The following TTPA variants were observed in gnomAD, a reference collection of about 807,000 sequenced individuals.
TTPA encodes the protein alpha-tocopherol transfer protein.
TTPA carries 23 observed loss-of-function variants against 25.9 expected under a neutral mutation model. That is an observed-to-expected ratio of 0.89 (90% CI 0.64 to 1.26). The LOEUF (loss-of-function observed/expected upper bound fraction) is 1.26, where lower values mean the gene tolerates loss of function less well. Ranked by LOEUF, TTPA falls within the 50% of genes most tolerant of loss-of-function variation. TTPA has a pLI of 0.00. For synonymous variants in TTPA, 148 were observed against 137.3 expected (o/e 1.08, Z -0.54); for missense variants, 337 against 353.1 (o/e 0.95, Z 0.37).
At chr8:63,080,661 C>T (rs1333781630) in intron 1 of TTPA, among the ~76,000 whole-genome samples, 1 of 148,920 alleles carries the variant, frequency 6.7e-6, no homozygotes, top group Non-Finnish European at 1.5e-5. Flanking sequence ...GCAGAGCTTG[C>T]AGTGAGCCGA....
At chr8:63,079,127 C>T (rs746692225) in intron 1 of TTPA, among the ~76,000 whole-genome samples, 4 of 151,540 alleles carry the variant, frequency 2.6e-5, no homozygotes, top group Non-Finnish European at 4.4e-5. Flanking sequence ...TCTTTACAGA[C>T]AAGCTGAGAG....
chr8:63,063,259 A>G (rs540311749), intron 4 of TTPA, among the ~76,000 whole-genome samples: 1 of 152,322 alleles, frequency 6.6e-6, no homozygotes, highest in South Asian at 2.1e-4. Flanking sequence ...TTCTTTACAG[A>G]TTAGTTTAGA....
At chr8:63,083,109 C>T (rs1805689895) in intron 1 of TTPA, among the ~76,000 whole-genome samples, 1 of 152,128 alleles carries the variant, frequency 6.6e-6, no homozygotes, top group Admixed American at 6.6e-5. Flanking sequence ...ACTAGAAATA[C>T]CATTTGACCC....
chr8:63,065,433 C>T lies in TTPA; in HGVS notation c.552+471G>A, dbSNP rs79449553. Among the ~76,000 whole-genome samples the T allele has an allele frequency of 6.3e-3, 962 of 152,248 alleles. 13 individuals are homozygous for T. Among genetic ancestry groups the T allele is most frequent in the Admixed American group, 0.028 (422 of 15,300 alleles). ...CACATAGTAAGCTATTATTATTATA[C>T]GCAATCTTTAATATATTAAAGATTA... On this transcript the variant is annotated intron_variant, in intron 3 of 4. Transcript: ENST00000260116.
chr8:63,067,315 A>G (rs1805408776), intron 2 of TTPA, among the ~76,000 whole-genome samples: 1 of 152,132 alleles, frequency 6.6e-6, no homozygotes, highest in Non-Finnish European at 1.5e-5. Flanking sequence ...GTTGACATGT[A>G]TGAATAGAAA....
intron 1 of TTPA, among the ~76,000 whole-genome samples, chr8:63,080,656 G>A (rs1486317431): frequency 4.0e-5 from 6 of 151,028 alleles, no homozygotes; most frequent in Non-Finnish European, 8.8e-5. Context: ...AGGAGGCAGA[G>A]CTTGCAGTGA....
intron 1 of TTPA, among the ~76,000 whole-genome samples, chr8:63,084,532 G>A (rs1464551453): frequency 2.6e-5 from 4 of 152,230 alleles, no homozygotes; most frequent in East Asian, 1.9e-4. Flanking sequence ...GCCCAATAAA[G>A]AGTAAGATGG....
chr8:63,077,548 T>G (rs78610244), intron 1 of TTPA, among the ~76,000 whole-genome samples: 1 of 152,356 alleles, frequency 6.6e-6, no homozygotes, highest in Middle Eastern at 3.4e-3. Flanking sequence ...CATGGAGCCT[T>G]GCTCACTGCT....
intron 1 of TTPA, among the ~76,000 whole-genome samples, chr8:63,080,941 C>T (rs1805654194): frequency 6.6e-6 from 1 of 151,406 alleles, no homozygotes; most frequent in Admixed American, 6.6e-5. Flanking sequence ...CAAGACTAAA[C>T]CAGGAAGAAG....
intron 2 of TTPA, among the ~76,000 whole-genome samples, chr8:63,072,320 T>G (rs1245243332): frequency 6.6e-6 from 1 of 152,180 alleles, no homozygotes; most frequent in Non-Finnish European, 1.5e-5. Flanking sequence ...TGGAGTGCAA[T>G]GGCGCAATCT....
intron 2 of TTPA, among the ~76,000 whole-genome samples, chr8:63,067,537 T>G (rs1805412568): frequency 6.7e-6 from 1 of 149,158 alleles, no homozygotes. Flanking sequence ...AATAGTAAAT[T>G]TTCAAAAAAA....
Position 63,061,318 on chromosome 8 carries a change from C to T in TTPA, c.771G>A (p.Gln257=). The change falls in exon 5 of 5, where the codon CAG becomes CAA. Residue 257 remains glutamine, a synonymous_variant. Coordinates refer to ENST00000260116, the MANE Select transcript of TTPA (RefSeq NM_000370.3). Reference sequence around the variant, plus strand: ...ACTTCATTATAAAATTTGTCCATTCCTGACAAATGTCCTCCATGGAGAATT... The same window carrying T: ...ACTTCATTATAAAATTTGTCCATTCTTGACAAATGTCCTCCATGGAGAATT... ...GEEFSMEDIC[Q]EWTNFIMKSE... The T allele has an allele frequency of 6.2e-7, 1 of 1,613,896 alleles. No homozygotes were observed. Among genetic ancestry groups the T allele is most frequent in the Non-Finnish European group, 8.5e-7 (1 of 1,179,890 alleles).
At chr8:63,059,190 C>T (rs565918859), downstream of TTPA, among the ~76,000 whole-genome samples, 124 of 149,944 alleles carry the variant, frequency 8.3e-4, 1 homozygote, top group African/African-American at 3.0e-3. Context: ...CGCCACTACG[C>T]CCGGCTAATT....
At chr8:63,075,327 T>C (rs1341336112) in intron 1 of TTPA, among the ~76,000 whole-genome samples, 1 of 152,194 alleles carries the variant, frequency 6.6e-6, no homozygotes, top group African/African-American at 2.4e-5. Context: ...AGAACCACCA[T>C]ATTTGGAGCA....
intron 1 of TTPA, among the ~76,000 whole-genome samples, chr8:63,083,409 T>G (rs1585697138): frequency 6.6e-6 from 1 of 152,176 alleles, no homozygotes; most frequent in Non-Finnish European, 1.5e-5. Flanking sequence ...CACTGCATGT[T>G]CTCACTCAGA....
chr8:63,073,128 T>C, intron 1 of TTPA, 40 bp from the exon 2 acceptor site: 4 of 1,508,280 alleles, frequency 2.7e-6, no homozygotes, highest in Middle Eastern at 2.1e-4. Context: ...ATGGCATACA[T>C]GGTAATGATT....
intron 1 of TTPA, among the ~76,000 whole-genome samples, chr8:63,083,315 G>C (rs1209168219): frequency 6.6e-6 from 1 of 152,188 alleles, no homozygotes; most frequent in African/African-American, 2.4e-5. Context: ...CCATAAAGAA[G>C]GATGAGTTCA....
intron 1 of TTPA, among the ~76,000 whole-genome samples, chr8:63,075,809 GA>G (rs766410086): frequency 9.9e-5 from 15 of 151,764 alleles, no homozygotes; most frequent in Admixed American, 2.0e-4. Context: ...CACATGATAT[GA>G]AAAATTTTAT....
intron 1 of TTPA, among the ~76,000 whole-genome samples, chr8:63,085,464 G>A (rs1805733804): frequency 6.6e-6 from 1 of 152,194 alleles, no homozygotes; most frequent in Non-Finnish European, 1.5e-5. Context: ...TACTTTGTTT[G>A]TACCACAGGC....
Sources: gnomAD v4.1 joint callset for allele counts (sites outside exome capture counted in the v4.1 genomes callset) on GRCh38, gnomAD v4.1.1 for gene constraint, MANE v1.5 for transcripts, NCBI Gene and HGNC (gene_info 2026-07-23, HGNC 2026-07-21) for gene names.